Variants in PPP1R15B observed in about 807,000 individuals in gnomAD.
The protein encoded by PPP1R15B is protein phosphatase 1 regulatory subunit 15B.
In PPP1R15B, 31 loss-of-function variants were observed where a neutral mutation model predicts 53.9. That is an observed-to-expected ratio of 0.58 (90% CI 0.43 to 0.78). PPP1R15B has a LOEUF of 0.78. PPP1R15B is among the 30% of genes least tolerant of loss of function. The pLI is 0.00. For synonymous variants in PPP1R15B, 345 were observed against 329.1 expected (o/e 1.05, Z -0.52); for missense variants, 928 against 849.6 (o/e 1.09, Z -1.15).
At chr1:204,406,755 A>AT (rs1048435072) in intron 1 of PPP1R15B, among the ~76,000 whole-genome samples, 1 of 151,754 alleles carries the variant, frequency 6.6e-6, no homozygotes, top group African/African-American at 2.4e-5. Context: ...TCTGTCTCAA[A>AT]AAAAAAAAAG....
chr1:204,395,994 G>C (rs987865912), downstream of PPP1R15B, among the ~76,000 whole-genome samples: 2 of 151,742 alleles, frequency 1.3e-5, no homozygotes, highest in African/African-American at 4.8e-5. Context: ...TTATTATCTA[G>C]TAAATGAACA....
rs776745598 is a variant in PPP1R15B, at chr1:204,410,403, T to C, written c.1009A>G (p.Lys337Glu). Residue 337 changes from lysine (K) to glutamate (E), a missense_variant, in exon 1 of 2, where the codon AAA (lysine) becomes GAA (glutamate). Coordinates refer to ENST00000367188, the MANE Select transcript of PPP1R15B (RefSeq NM_032833.5). ...TGTGTTGGGTTATCTCTGCAGTGTT[T>C]TGGATCCATCCGGAGAAGGCTGTGT... ...EEHSLLRMDP[K>E]HCRDNPTQFV... 6.2e-7 allele frequency: 1 copy of C among 1,614,228 alleles called. No homozygotes were observed. The highest frequency in any genetic ancestry group is 2.2e-5 in the East Asian group (1 of 44,896).
rs1674250463 is a variant in PPP1R15B at position 204,405,551 on chromosome 1, T to C, written c.*541A>G. 1.0e-6 allele frequency: 1 copy of C among 981,492 alleles called. No individual in the cohort carries two copies. Among genetic ancestry groups the C allele is most frequent in the South Asian group, 4.7e-5 (1 of 21,226 alleles). The allele number at this position is 981,492 out of a possible 1,614,324, so 60.8% of individuals were successfully genotyped here. On this transcript the variant is annotated 3_prime_UTR_variant, in exon 2 of 2. Transcript: ENST00000367188. ...GAAAAAAAAAAGTGACACAAAATAA[T>C]GCACTTTAAGTTGGTAGCATACACA...
At chr1:204,398,351 C>G (rs768692060), downstream of PPP1R15B, among the ~76,000 whole-genome samples, 2 of 152,104 alleles carry the variant, frequency 1.3e-5, no homozygotes, top group Non-Finnish European at 2.9e-5. Flanking sequence ...CAATGTGGTG[C>G]ATGCCTGTGG....
In PPP1R15B at chr1:204,411,406, C is replaced by T; in HGVS notation, c.6G>A (p.Glu2=). Reference sequence around the variant, plus strand: ...GTTTCCGCGATCCGCCTGTCCCCGGCTCCATCTCCTTTTTCTTGACAGTCT... The same window carrying T: ...GTTTCCGCGATCCGCCTGTCCCCGGTTCCATCTCCTTTTTCTTGACAGTCT... M[E]PGTGGSRKRL... is the part of the protein sequence containing the mutation. The change falls in exon 1 of 2, where the codon GAG becomes GAA. Residue 2 remains glutamate (E), a synonymous_variant. Transcript: ENST00000367188. 6.2e-7 allele frequency: 1 copy of T among 1,611,266 alleles called. No homozygotes were observed.
At chr1:204,401,336 C>A (rs916280825), downstream of PPP1R15B, among the ~76,000 whole-genome samples, 6 of 152,174 alleles carry the variant, frequency 3.9e-5, no homozygotes, top group Non-Finnish European at 7.3e-5. Context: ...TTAAGTCTCG[C>A]TGGAGCACAT....
chr1:204,406,493 T>C (rs1443820352), intron 1 of PPP1R15B, among the ~76,000 whole-genome samples, 180 bp from the exon 2 acceptor site: 1 of 152,196 alleles, frequency 6.6e-6, no homozygotes, highest in Admixed American at 6.5e-5. Flanking sequence ...GTCACGCCTG[T>C]AATCCCAGCA....
In PPP1R15B at chr1:204,410,058, C is replaced by A. The variant is rs750361357; in HGVS notation, c.1354G>T (p.Ala452Ser). The A allele has an allele frequency of 6.2e-7, 1 of 1,614,094 alleles. No individual in the cohort carries two copies. ...DPEGEDWDEEAEDDGFDSDSS... is the reference protein window; with the variant it reads ...DPEGEDWDEESEDDGFDSDSS... Reference sequence around the variant, plus strand: ...TCACTATCAAAACCATCATCCTCAGCTTCCTCATCCCAATCCTCACCTTCT... The same window carrying A: ...TCACTATCAAAACCATCATCCTCAGATTCCTCATCCCAATCCTCACCTTCT... The change falls in exon 1 of 2, where the codon GCT becomes TCT. Residue 452 changes from alanine (A) to serine (S), a missense_variant. Coordinates refer to ENST00000367188, the MANE Select transcript of PPP1R15B (RefSeq NM_032833.5).
In PPP1R15B at chr1:204,409,956, G is replaced by A. The variant is rs764039638; in HGVS notation, c.1456C>T (p.Pro486Ser). The A allele has an allele frequency of 3.3e-5, 53 of 1,614,104 alleles. No homozygotes were observed. The highest frequency in any genetic ancestry group is 4.5e-5 in the Non-Finnish European group (53 of 1,180,022). ...GCTGTAAAGTTCTGGGGATTATAAG[G>A]ATCTACACTGCAGAAAGAGTTCCAA... ...HLWNSFCSVD[P>S]YNPQNFTATI... The change falls in exon 1 of 2, where the codon CCT becomes TCT. Residue 486 changes from proline (P) to serine (S), a missense_variant. Transcript: ENST00000367188.
chr1:204,406,550 G>A (rs559144040), intron 1 of PPP1R15B, among the ~76,000 whole-genome samples: 1 of 152,288 alleles, frequency 6.6e-6, no homozygotes, highest in African/African-American at 2.4e-5. Flanking sequence ...AGGAGTTCAA[G>A]ACCAGCCTGA....
rs779338851 is a variant in PPP1R15B at position 204,411,098 on chromosome 1, G to A, written c.314C>T (p.Ala105Val). 9.3e-6 allele frequency: 15 copies of A among 1,614,092 alleles called. No homozygotes were observed. Among genetic ancestry groups the A allele is most frequent in the African/African-American group, 1.3e-5 (1 of 74,938 alleles). ...CTCCCGTCCCTTCAGGGCTCTCAGG[G>A]CGCTGTAGACTCCAGCAAAATCTAG... ...RWLDFAGVYS[A>V]LRALKGREKP... Residue 105 changes from alanine (A) to valine (V), a missense_variant, in exon 1 of 2, where the codon GCC becomes GTC. Physicochemically the swap from Ala to Val is moderately conservative, Grantham distance 64. Transcript: ENST00000367188.
At position 204,411,450 on chromosome 1, in the gene PPP1R15B, G is replaced by C; in HGVS notation, c.-39C>G. ...ACAGTCTCTCAGGTAGGGCCGCGGC[G>C]CTCAGCGGCTGGAGGTCGACGGGAT... On this transcript the variant is annotated 5_prime_UTR_variant, in exon 1 of 2. Transcript: ENST00000367188. 6.3e-7 allele frequency: 1 copy of C among 1,581,796 alleles called. No individual in the cohort carries two copies. The highest frequency in any genetic ancestry group is 8.6e-7 in the Non-Finnish European group (1 of 1,168,060).
Position 204,410,014 on chromosome 1 carries a change from T to C in PPP1R15B, c.1398A>G (p.Ser466=). ...GFDSDSSLSD[S]DLEQDPEGLH... The stretch of plus-strand genomic sequence containing the variant: ...GCCCTTCAGGGTCTTGTTCAAGGTC[T>C]GAGTCTGACAGTGAGCTATCACTAT... The change falls in exon 1 of 2, where the codon TCA becomes TCG. Residue 466 remains serine, a synonymous_variant. Coordinates refer to ENST00000367188, the MANE Select transcript of PPP1R15B (RefSeq NM_032833.5). 1 of 1,614,208 alleles carries C rather than the reference T, an allele frequency of 6.2e-7. No individual in the cohort carries two copies. The highest frequency in any genetic ancestry group is 8.5e-7 in the Non-Finnish European group (1 of 1,180,022).
chr1:204,397,016 C>T (rs1275710166), downstream of PPP1R15B, among the ~76,000 whole-genome samples: 1 of 151,886 alleles, frequency 6.6e-6, no homozygotes, highest in African/African-American at 2.4e-5. Flanking sequence ...AGGGAGATCT[C>T]GCCCCTACAG....
downstream of PPP1R15B, chr1:204,400,621 TG>T: frequency 2.5e-6 from 1 of 404,274 alleles, no homozygotes; most frequent in Non-Finnish European, 3.4e-6. Context: ...CCACCACCCC[TG>T]GCCAATCCAA....
intron 1 of PPP1R15B, among the ~76,000 whole-genome samples, chr1:204,409,136 A>C (rs762876881): frequency 6.6e-6 from 1 of 152,206 alleles, no homozygotes; most frequent in Non-Finnish European, 1.5e-5. Flanking sequence ...GGACCTTTTC[A>C]ATCTCTAGAA....
intron 1 of PPP1R15B, 30 bp from the exon 2 acceptor site, chr1:204,406,343 T>C (rs1315519563): frequency 1.6e-5 from 25 of 1,609,598 alleles, no homozygotes; most frequent in Non-Finnish European, 2.1e-5. Context: ...TTTTAATAAC[T>C]GTCTAGGATC....
Position 204,405,520 on chromosome 1 carries a change from T to C in PPP1R15B, c.*572A>G, listed in dbSNP as rs549354880. On this transcript the variant is annotated 3_prime_UTR_variant, in exon 2 of 2. Transcript: ENST00000367188. Reference sequence around the variant, plus strand: ...CACATATTTTCAATCCAAGTCATTTTTACAAGAAAAAAAAAAGTGACACAA... The same window carrying C: ...CACATATTTTCAATCCAAGTCATTTCTACAAGAAAAAAAAAAGTGACACAA... 1 of 983,768 alleles carries C rather than the reference T, an allele frequency of 1.0e-6. No homozygotes were observed. The highest frequency in any genetic ancestry group is 1.2e-6 in the Non-Finnish European group (1 of 828,496). 60.9% of individuals were successfully genotyped at this position (983,768 alleles called of 1,614,324 possible).
In PPP1R15B at chr1:204,410,999, C is replaced by T. The variant is rs145021449; in HGVS notation, c.413G>A (p.Ser138Asn). The change falls in exon 1 of 2, where the codon AGT becomes AAT. Residue 138 changes from serine to asparagine, a missense_variant. Coordinates refer to ENST00000367188, the MANE Select transcript of PPP1R15B (RefSeq NM_032833.5). ...QLDSSDPSVTSPLDWLEEGIH... is the reference protein window; with the variant it reads ...QLDSSDPSVTNPLDWLEEGIH... Reference sequence around the variant, plus strand: ...CCCCTCCTCTAGCCAATCAAGGGGACTGGTGACCGAGGGGTCTGAGGAGTC... The same window carrying T: ...CCCCTCCTCTAGCCAATCAAGGGGATTGGTGACCGAGGGGTCTGAGGAGTC... The T allele has an allele frequency of 6.2e-7, 1 of 1,614,146 alleles. No individual in the cohort carries two copies. Among genetic ancestry groups the T allele is most frequent in the Non-Finnish European group, 8.5e-7 (1 of 1,179,998 alleles).
Sources: allele counts gnomAD v4.1 joint callset (sites outside exome capture counted in the v4.1 genomes callset), GRCh38; gene constraint gnomAD v4.1.1; transcripts MANE v1.5; gene names NCBI Gene and HGNC (gene_info 2026-07-23, HGNC 2026-07-21).